ZEB1: variants seen among roughly 807,000 people sequenced by gnomAD.
ZEB1 encodes the protein zinc finger E-box binding homeobox 1, also known as zinc finger E-box-binding homeobox 1.
Under a neutral mutation model 84.9 loss-of-function variants are expected in ZEB1, and 21 were observed. The ratio of observed to expected loss-of-function variants is 0.25; its 90% CI spans 0.18 to 0.36. The LOEUF (loss-of-function observed/expected upper bound fraction) is 0.36. ZEB1 is among the 10% of genes least tolerant of loss of function. The probability of loss-of-function intolerance (pLI) is 1.00; values close to 1 mark genes in which losing one functional copy is unlikely to be tolerated. For synonymous variants in ZEB1, 420 were observed against 471.1 expected (o/e 0.89, Z 1.41); for missense variants, 1,104 against 1,330.2 (o/e 0.83, Z 2.65).
intron 1 of ZEB1, chr10:31,363,044 G>C: frequency 6.5e-7 from 1 of 1,533,890 alleles, no homozygotes; most frequent in South Asian, 1.2e-5. Context: ...GGAGGGGTCG[G>C]TTGCAGCTGC....
intron 1 of ZEB1, among the ~76,000 whole-genome samples, chr10:31,331,152 T>C (rs1389933913): frequency 1.4e-5 from 2 of 139,312 alleles, no homozygotes; most frequent in African/African-American, 5.5e-5. Flanking sequence ...TGCAGTGGCA[T>C]CTCGGTTCAC....
intron 1 of ZEB1, among the ~76,000 whole-genome samples, chr10:31,388,728 GT>G (rs908448003): frequency 5.3e-5 from 8 of 151,648 alleles, no homozygotes; most frequent in African/African-American, 1.7e-4. Flanking sequence ...TATACGTACA[GT>G]TTTTTTTAAT....
intron 2 of ZEB1, among the ~76,000 whole-genome samples, chr10:31,487,359 A>T (rs1053522345): frequency 1.3e-5 from 2 of 151,276 alleles, no homozygotes; most frequent in Admixed American, 1.3e-4. Context: ...TTCTTCCTTA[A>T]AGTGTTGAGG....
chr10:31,471,610 T>C (rs1591624564), intron 2 of ZEB1, among the ~76,000 whole-genome samples: 1 of 142,952 alleles, frequency 7.0e-6, no homozygotes, highest in Admixed American at 6.9e-5. Context: ...ACATTAATAA[T>C]GGGAGACTTT....
At position 31,528,364 on chromosome 10, in the gene ZEB1, G is replaced by A. The variant is rs1334060914; in HGVS notation, c.*1100G>A. 1 of 152,150 alleles carries A rather than the reference G, an allele frequency of 6.6e-6. No homozygotes were observed. Among genetic ancestry groups the A allele is most frequent in the African/African-American group, 2.4e-5 (1 of 41,436 alleles). 9.4% of individuals were successfully genotyped at this position (152,150 alleles called of 1,614,324 possible). A position where few individuals can be genotyped will look rare whatever the true frequency, so the allele number is the denominator to read the frequency against. On this transcript the variant is annotated 3_prime_UTR_variant, in exon 9 of 9. Transcript: ENST00000424869. ...ATTTTCAGAATTTCTCTACAGAAAC[G>A]AAAGGGAAATTTTCTAATCTGCTTT...
At chr10:31,411,257 A>G (rs2054185781) in intron 1 of ZEB1, among the ~76,000 whole-genome samples, 1 of 152,204 alleles carries the variant, frequency 6.6e-6, no homozygotes, top group African/African-American at 2.4e-5. Context: ...CTGCTCCTGA[A>G]TGACTACTGG....
chr10:31,522,423 G>T (rs570667112), intron 7 of ZEB1, among the ~76,000 whole-genome samples: 1 of 152,178 alleles, frequency 6.6e-6, no homozygotes, highest in East Asian at 1.9e-4. Context: ...CAGGAATGAA[G>T]TATACAAAGA....
chr10:31,328,783 G>T (rs1021927154), intron 1 of ZEB1, among the ~76,000 whole-genome samples: 4 of 152,024 alleles, frequency 2.6e-5, no homozygotes, highest in African/African-American at 9.7e-5. Flanking sequence ...CAAGGATAAT[G>T]TCCCATTGTT....
At chr10:31,491,337 C>T (rs1479021152) in intron 2 of ZEB1, among the ~76,000 whole-genome samples, 1 of 151,822 alleles carries the variant, frequency 6.6e-6, no homozygotes, top group Non-Finnish European at 1.5e-5. Flanking sequence ...GAAGTTTTCC[C>T]TCCCTCAAAG....
intron 1 of ZEB1, among the ~76,000 whole-genome samples, chr10:31,342,167 G>A (rs1402675199): frequency 6.6e-6 from 1 of 152,166 alleles, no homozygotes; most frequent in Admixed American, 6.5e-5. Context: ...CTCAGTGCCT[G>A]ACATACAGAA....
At chr10:31,486,150 GTT>G (rs1032495714) in intron 2 of ZEB1, among the ~76,000 whole-genome samples, 3 of 151,794 alleles carry the variant, frequency 2.0e-5, no homozygotes, top group Non-Finnish European at 4.4e-5. Flanking sequence ...CATTTGGGTT[GTT>G]TCCAATTTAC....
chr10:31,404,284 A>G (rs2052578606), intron 1 of ZEB1, among the ~76,000 whole-genome samples: 1 of 152,020 alleles, frequency 6.6e-6, no homozygotes, highest in Admixed American at 6.6e-5. Flanking sequence ...TTTCTAAAAG[A>G]ATAAATGAAT....
At chr10:31,475,548 A>G (rs2064025416) in intron 2 of ZEB1, among the ~76,000 whole-genome samples, 1 of 152,196 alleles carries the variant, frequency 6.6e-6, no homozygotes, top group South Asian at 2.1e-4. Flanking sequence ...GCTAGAGACA[A>G]GTGTCAAATC....
intron 1 of ZEB1, chr10:31,363,456 A>G: frequency 2.6e-6 from 4 of 1,533,922 alleles, no homozygotes; most frequent in Non-Finnish European, 3.5e-6. Flanking sequence ...ACCAGGAAGA[A>G]GTGAGGTTTC....
At chr10:31,356,010 A>G (rs2133964188) in intron 1 of ZEB1, among the ~76,000 whole-genome samples, 1 of 152,246 alleles carries the variant, frequency 6.6e-6, no homozygotes, top group South Asian at 2.1e-4. Context: ...AGAGAAGGGA[A>G]TAGATTTGAA....
chr10:31,333,149 T>G (rs1044208016), intron 1 of ZEB1, among the ~76,000 whole-genome samples: 1 of 152,194 alleles, frequency 6.6e-6, no homozygotes, highest in Non-Finnish European at 1.5e-5. Context: ...CACAGCCTAT[T>G]CTTTGACAGT....
At chr10:31,352,519 T>G (rs1373771072) in intron 1 of ZEB1, among the ~76,000 whole-genome samples, 2 of 152,218 alleles carry the variant, frequency 1.3e-5, no homozygotes, top group African/African-American at 4.8e-5. Context: ...TCTCATAATT[T>G]TGAGAGTTGA....
At chr10:31,470,597 T>G (rs1393840457) in intron 2 of ZEB1, among the ~76,000 whole-genome samples, 3 of 135,062 alleles carry the variant, frequency 2.2e-5, no homozygotes, top group African/African-American at 5.7e-5. Flanking sequence ...TTGGTGTACC[T>G]GAAAGTGATG....
At chr10:31,482,266 A>G (rs1291386970) in intron 2 of ZEB1, among the ~76,000 whole-genome samples, 1 of 152,058 alleles carries the variant, frequency 6.6e-6, no homozygotes, top group Non-Finnish European at 1.5e-5. Flanking sequence ...TAATTAGAAA[A>G]CATCAGAGAA....
Sources: gnomAD v4.1 joint callset for allele counts (sites outside exome capture counted in the v4.1 genomes callset) on GRCh38, gnomAD v4.1.1 for gene constraint, MANE v1.5 for transcripts, NCBI Gene and HGNC (gene_info 2026-07-23, HGNC 2026-07-21) for gene names.